Variants in SBF2 observed in about 807,000 individuals in gnomAD.
The protein encoded by SBF2 is SET binding factor 2.
A neutral mutation model predicts 225.2 loss-of-function variants in SBF2; 112 were observed. The observed-to-expected ratio is 0.50, with a 90% CI of 0.43 to 0.58. The LOEUF (loss-of-function observed/expected upper bound fraction) is 0.58. SBF2 is among the 20% of genes least tolerant of loss of function. SBF2 has a pLI of 0.00. For missense variants in SBF2, 1,996 were observed against 2,206.2 expected (o/e 0.90, Z 1.91); for synonymous variants, 763 against 773.3 (o/e 0.99, Z 0.22).
chr11:9,850,013 C>T lies in SBF2; in HGVS notation c.2806+10G>A, dbSNP rs761936469. The T allele has an allele frequency of 3.4e-5, 54 of 1,611,856 alleles. No individual in the cohort carries two copies. Among genetic ancestry groups the T allele is most frequent in the Admixed American group, 2.5e-4 (15 of 59,986 alleles). On this transcript the variant is annotated intron_variant, in intron 22 of 39. Coordinates refer to ENST00000256190, the MANE Select transcript of SBF2 (RefSeq NM_030962.4). ...AGATACCCATGTTCTGATGGCATAT[C>T]GAGTCATACCTAACTGATCATGGGG...
At chr11:10,192,599 A>G (rs999888865) in intron 2 of SBF2, among the ~76,000 whole-genome samples, 2 of 152,108 alleles carry the variant, frequency 1.3e-5, no homozygotes, top group African/African-American at 4.8e-5. Context: ...TTTTATGTGT[A>G]TTTTTTCCAC....
At chr11:9,815,641 C>G (rs1854418474) in intron 29 of SBF2, among the ~76,000 whole-genome samples, 2 of 152,108 alleles carry the variant, frequency 1.3e-5, no homozygotes, top group African/African-American at 4.8e-5. Flanking sequence ...TATTAAGGAG[C>G]TAAACCTCGG....
At chr11:10,097,284 A>C (rs1952062728) in intron 2 of SBF2, among the ~76,000 whole-genome samples, 1 of 152,212 alleles carries the variant, frequency 6.6e-6, no homozygotes, top group Non-Finnish European at 1.5e-5. Context: ...GCAACCTTTA[A>C]GCGTGGATTT....
At chr11:10,131,158 G>A (rs530172609) in intron 2 of SBF2, among the ~76,000 whole-genome samples, 7 of 152,118 alleles carry the variant, frequency 4.6e-5, no homozygotes, top group African/African-American at 1.4e-4. Context: ...CAATGTGTGA[G>A]AGACTGTATT....
intron 15 of SBF2, among the ~76,000 whole-genome samples, chr11:9,963,571 A>G (rs1198436759): frequency 6.6e-6 from 1 of 152,242 alleles, no homozygotes; most frequent in East Asian, 1.9e-4. Flanking sequence ...TACTATGAAT[A>G]TATTTCTGGT....
Position 9,846,972 on chromosome 11 carries a change from G to A in SBF2, c.2918C>T (p.Thr973Ile). 1 of 1,613,802 alleles carries A rather than the reference G, an allele frequency of 6.2e-7. No individual in the cohort carries two copies. Among genetic ancestry groups the A allele is most frequent in the Non-Finnish European group, 8.5e-7 (1 of 1,179,728 alleles). ...QQNMQEGLQI[T>I]SASFQLIKVA... ...TTTTAATACCTGAAAAGATGCTGAT[G>A]TGATCTGCAGTCCTTCTTGCATGTT... The change falls in exon 23 of 40, where the codon ACA becomes ATA. Residue 973 changes from threonine (T) to isoleucine (I), a missense_variant. Physicochemically the swap from Thr to Ile is moderately conservative, Grantham distance 89 (BLOSUM62 -1). Coordinates refer to ENST00000256190, the MANE Select transcript of SBF2 (RefSeq NM_030962.4).
intron 17 of SBF2, among the ~76,000 whole-genome samples, chr11:9,880,853 C>T (rs865835658): frequency 5.9e-5 from 9 of 152,260 alleles, no homozygotes; most frequent in Middle Eastern, 6.8e-3. Context: ...TAGTAGCCTG[C>T]TACAAAATTC....
intron 2 of SBF2, among the ~76,000 whole-genome samples, chr11:10,096,214 T>G (rs1322163899): frequency 6.6e-6 from 1 of 152,160 alleles, no homozygotes; most frequent in African/African-American, 2.4e-5. Context: ...TTTTTCTACA[T>G]GTCAGCTAGT....
At chr11:9,906,689 G>T (rs1862148208) in intron 16 of SBF2, among the ~76,000 whole-genome samples, 1 of 152,166 alleles carries the variant, frequency 6.6e-6, no homozygotes, top group Admixed American at 6.6e-5. Flanking sequence ...ATCTGTTGGG[G>T]AATCAGTCCA....
intron 1 of SBF2, among the ~76,000 whole-genome samples, chr11:10,197,382 T>A (rs1957415879): frequency 6.6e-6 from 1 of 152,226 alleles, no homozygotes; most frequent in South Asian, 2.1e-4. Context: ...TCAGTGCATG[T>A]AAAAGTTATG....
chr11:10,064,734 T>A (rs2090188723), intron 2 of SBF2, among the ~76,000 whole-genome samples: 1 of 152,072 alleles, frequency 6.6e-6, no homozygotes, highest in Admixed American at 6.5e-5. Context: ...GAACATAAAA[T>A]CCTAAACATT....
intron 7 of SBF2, 99 bp downstream of exon 7, chr11:10,002,458 C>T: frequency 2.1e-6 from 2 of 949,864 alleles, no homozygotes; most frequent in Middle Eastern, 5.9e-4. Context: ...TAAAATATCC[C>T]TATGTGGTTC....
intron 6 of SBF2, among the ~76,000 whole-genome samples, chr11:10,022,448 TA>T (rs1204095280): frequency 3.3e-5 from 5 of 152,050 alleles, no homozygotes; most frequent in East Asian, 1.9e-4. Context: ...TTTTACAAGT[TA>T]AAAAAATCTT....
chr11:9,864,814 C>G (rs1282264078), intron 17 of SBF2, among the ~76,000 whole-genome samples: 2 of 152,170 alleles, frequency 1.3e-5, no homozygotes, highest in African/African-American at 2.4e-5. Context: ...GACATCAAAT[C>G]CAAGACTGTT....
intron 28 of SBF2, among the ~76,000 whole-genome samples, chr11:9,823,517 AAG>A (rs1209055186): frequency 1.2e-4 from 18 of 151,394 alleles, no homozygotes; most frequent in African/African-American, 3.9e-4. Context: ...AAAAAAAAAA[AAG>A]AAGAAGAAGA....
intron 2 of SBF2, among the ~76,000 whole-genome samples, chr11:10,090,245 G>T (rs1011664542): frequency 6.6e-6 from 1 of 152,018 alleles, no homozygotes; most frequent in Non-Finnish European, 1.5e-5. Context: ...AAAGTTCTGG[G>T]GATGGATAGC....
chr11:10,294,279 G>C (rs961612796), upstream of SBF2: 2 of 373,172 alleles, frequency 5.4e-6, no homozygotes, highest in Admixed American at 9.4e-5. Context: ...TGGCTCGGCT[G>C]CCCCAAGCCC....
intron 2 of SBF2, among the ~76,000 whole-genome samples, chr11:10,110,052 T>A (rs949351563): frequency 6.6e-6 from 1 of 152,328 alleles, no homozygotes. Context: ...ATCATCTCCA[T>A]GGAGGAAATC....
intron 1 of SBF2, among the ~76,000 whole-genome samples, chr11:10,230,196 A>C (rs531067004): frequency 6.6e-6 from 1 of 152,170 alleles, no homozygotes; most frequent in Non-Finnish European, 1.5e-5. Flanking sequence ...TTTTGAGCCT[A>C]TGTGTGTCGC....
Sources: gnomAD v4.1 joint callset for allele counts (sites outside exome capture counted in the v4.1 genomes callset) on GRCh38, gnomAD v4.1.1 for gene constraint, MANE v1.5 for transcripts, NCBI Gene and HGNC (gene_info 2026-07-23, HGNC 2026-07-21) for gene names.